OGG1: variants seen among roughly 807,000 people sequenced by gnomAD.
The protein encoded by OGG1 is N-glycosylase/DNA lyase.
A neutral mutation model predicts 42.3 loss-of-function variants in OGG1; 35 were observed. That is an observed-to-expected ratio of 0.83 (90% CI 0.63 to 1.10). OGG1 has a LOEUF of 1.10. OGG1 is among the 50% of genes least tolerant of loss of function. The pLI, the probability that OGG1 is intolerant of heterozygous loss-of-function variation, is 0.00. For synonymous variants in OGG1, 189 were observed against 179.0 expected (o/e 1.06, Z -0.44); for missense variants, 484 against 446.7 (o/e 1.08, Z -0.75).
At chr3:9,752,123 A>C in intron 3 of OGG1, 174 bp downstream of exon 3, 6 of 634,668 alleles carry the variant, frequency 9.5e-6, no homozygotes, top group Middle Eastern at 4.2e-4. Context: ...CATCCCTAAA[A>C]TGTCAGCACC....
chr3:9,758,839 A>G (rs1328513978), downstream of OGG1: 1 of 305,566 alleles, frequency 3.3e-6, no homozygotes, highest in African/African-American at 2.2e-5. Context: ...CATGTTGGCC[A>G]GGATGGTCTT....
downstream of OGG1, among the ~76,000 whole-genome samples, chr3:9,790,974 A>C (rs886628750): frequency 3.3e-5 from 5 of 152,354 alleles, no homozygotes; most frequent in African/African-American, 1.2e-4. Flanking sequence ...CCTGACAGCC[A>C]TAACTGTCCT....
At chr3:9,778,792 C>A (rs1226266426) in intron 2 of OGG1, among the ~76,000 whole-genome samples, 1 of 152,172 alleles carries the variant, frequency 6.6e-6, no homozygotes, top group African/African-American at 2.4e-5. Flanking sequence ...ACTGGCCAAG[C>A]TGGGGTCATG....
intron 7 of OGG1, among the ~76,000 whole-genome samples, chr3:9,763,569 C>A (rs1484434108): frequency 6.6e-5 from 10 of 152,110 alleles, no homozygotes; most frequent in Admixed American, 6.5e-4. Flanking sequence ...GGTGAGAGAG[C>A]AGAGGGATAA....
chr3:9,760,958 T>C (rs777700577), downstream of OGG1: 6 of 822,956 alleles, frequency 7.3e-6, no homozygotes, highest in Non-Finnish European at 1.1e-5. Flanking sequence ...TGTGCCGCCA[T>C]CTTGCCCTCC....
At chr3:9,754,654 G>C in intron 3 of OGG1, 50 bp from the exon 4 acceptor site, 1 of 1,598,920 alleles carries the variant, frequency 6.3e-7, no homozygotes, top group Non-Finnish European at 8.5e-7. Context: ...CCTAAGGACA[G>C]GAAGAACTTG....
intron 3 of OGG1, 183 bp downstream of exon 3, chr3:9,752,132 C>A (rs113412868): frequency 2.1e-5 from 13 of 625,664 alleles, no homozygotes; most frequent in Non-Finnish European, 2.6e-5. Flanking sequence ...AATGTCAGCA[C>A]CTCACTGGTC....
intron 2 of OGG1, among the ~76,000 whole-genome samples, chr3:9,778,910 CCTT>C (rs952175759): frequency 4.6e-5 from 7 of 152,198 alleles, no homozygotes; most frequent in Non-Finnish European, 8.8e-5. Context: ...TGTTCGCCCT[CCTT>C]CTTTATGGCT....
chr3:9,780,434 G>C (rs755530904), intron 2 of OGG1: 1 of 1,611,388 alleles, frequency 6.2e-7, no homozygotes, highest in Non-Finnish European at 8.5e-7. Flanking sequence ...TTCTTGGTGG[G>C]AGTCCGCTTC....
downstream of OGG1, chr3:9,759,551 A>G: frequency 1.9e-6 from 3 of 1,614,098 alleles, no homozygotes; most frequent in Non-Finnish European, 2.5e-6. Flanking sequence ...GGATATTCTT[A>G]TCTAGAGCTG....
rs759921916 is a variant in OGG1, at chr3:9,786,776, C to A, written c.383-952C>A. On this transcript the variant is annotated intron_variant, in intron 3 of 3. Transcript: ENST00000426518. ...TTTTGTAATCTCCAGGCTGGTAATA[C>A]AAGCTCATTTGTGAAAACTGTACAT... 3.9e-5 allele frequency among the ~76,000 whole-genome samples: 6 copies of A among 152,200 alleles called. 1 individual carries two copies. The highest frequency in any genetic ancestry group is 2.0e-4 in the Admixed American group (3 of 15,274).
chr3:9,788,054 G>C (rs1575305844), exon 4 of OGG1: 1 of 269,198 alleles, frequency 3.7e-6, no homozygotes, highest in African/African-American at 2.2e-5. Context: ...GTGCCAGCAA[G>C]GACTGGGATG....
chr3:9,756,178 G>T (rs552777105), intron 4 of OGG1, among the ~76,000 whole-genome samples: 1 of 152,144 alleles, frequency 6.6e-6, no homozygotes, highest in Admixed American at 6.6e-5. Context: ...TTAGCCACAC[G>T]TGGTGGCACA....
chr3:9,753,200 T>C (rs982072767), intron 3 of OGG1, among the ~76,000 whole-genome samples: 19 of 151,178 alleles, frequency 1.3e-4, no homozygotes, highest in African/African-American at 4.6e-4. Context: ...AAAAATTAGC[T>C]GGGCGTGGTG....
chr3:9,759,937 C>CT, downstream of OGG1: 1 of 823,730 alleles, frequency 1.2e-6, no homozygotes. Context: ...CAGCTCTTTC[C>CT]TTTCTCTCTT....
At chr3:9,788,115 G>A (rs572697351) in exon 4 of OGG1, 6 of 213,114 alleles carry the variant, frequency 2.8e-5, no homozygotes, top group African/African-American at 4.6e-5. Flanking sequence ...TGGATGCAGC[G>A]CCATGTCATG....
chr3:9,779,283 A>T (rs1462923224), intron 2 of OGG1, among the ~76,000 whole-genome samples: 1 of 152,174 alleles, frequency 6.6e-6, no homozygotes, highest in Non-Finnish European at 1.5e-5. Flanking sequence ...GGCATGTGAG[A>T]CTGAGTTTGG....
downstream of OGG1, chr3:9,767,789 G>A (rs1575266157): frequency 1.9e-6 from 3 of 1,612,056 alleles, no homozygotes; most frequent in Non-Finnish European, 2.5e-6. Context: ...CTCCTGTAAG[G>A]AGAATGGAAG....
At chr3:9,765,957 T>C in exon 8 of OGG1, 3 of 1,614,104 alleles carry the variant, frequency 1.9e-6, no homozygotes, top group South Asian at 1.1e-5. Context: ...CTCTCCTCCA[T>C]TCCCTATGGG....
Sources: allele counts gnomAD v4.1 joint callset (sites outside exome capture counted in the v4.1 genomes callset), GRCh38; gene constraint gnomAD v4.1.1; transcripts MANE v1.5; gene names NCBI Gene and HGNC (gene_info 2026-07-23, HGNC 2026-07-21).